KCNU1: variants seen among roughly 807,000 people sequenced by gnomAD.
KCNU1 encodes the protein potassium calcium-activated channel subfamily U member 1, also known as potassium channel subfamily U member 1.
KCNU1 carries 93 observed loss-of-function variants against 126.8 expected under a neutral mutation model. That is an observed-to-expected ratio of 0.73 (90% CI 0.62 to 0.87). The LOEUF (loss-of-function observed/expected upper bound fraction) is 0.87. Ranked by LOEUF, KCNU1 falls within the 40% of genes least tolerant of loss-of-function variation. KCNU1 has a pLI of 0.00. For synonymous variants in KCNU1, 523 were observed against 494.2 expected (o/e 1.06, Z -0.77); for missense variants, 1,330 against 1,367.1 (o/e 0.97, Z 0.43).
chr8:36,860,265 G>A (rs1168754039), intron 18 of KCNU1, among the ~76,000 whole-genome samples: 1 of 152,004 alleles, frequency 6.6e-6, no homozygotes, highest in Non-Finnish European at 1.5e-5. Flanking sequence ...TTTTAGTAGA[G>A]ACAGGTTTTC....
At chr8:36,919,665 G>C (rs894784629) in intron 23 of KCNU1, among the ~76,000 whole-genome samples, 3 of 152,154 alleles carry the variant, frequency 2.0e-5, no homozygotes, top group Admixed American at 2.0e-4. Context: ...GAAAATCCCA[G>C]GCAAGAGGAG....
At position 36,910,077 on chromosome 8, in the gene KCNU1, T is replaced by A. The variant is rs1807806846; in HGVS notation, c.2331+542T>A. On this transcript the variant is annotated intron_variant, in intron 21 of 26. Coordinates refer to ENST00000399881, the MANE Select transcript of KCNU1 (RefSeq NM_001031836.3). ...TATATTTTTCCTGAACTTGCATAGA[T>A]CTATGTCCCACTCTATGCCACCATT... 3.3e-5 allele frequency among the ~76,000 whole-genome samples: 5 copies of A among 152,150 alleles called. No individual in the cohort carries two copies. The South Asian group carries it at 1.0e-3, about 31-fold the overall frequency.
At chr8:36,857,764 G>A (rs1805581806) in intron 18 of KCNU1, among the ~76,000 whole-genome samples, 1 of 152,050 alleles carries the variant, frequency 6.6e-6, no homozygotes, top group South Asian at 2.1e-4. Flanking sequence ...TCCTGCCTCA[G>A]CCTCTTGAGT....
chr8:36,804,309 C>G (rs1014696876), intron 3 of KCNU1, among the ~76,000 whole-genome samples: 3 of 152,170 alleles, frequency 2.0e-5, no homozygotes, highest in African/African-American at 7.2e-5. Context: ...CTTTCCACTG[C>G]TAGGGGTCAG....
At chr8:36,821,132 C>T (rs1804108940) in intron 10 of KCNU1, among the ~76,000 whole-genome samples, 1 of 152,130 alleles carries the variant, frequency 6.6e-6, no homozygotes, top group African/African-American at 2.4e-5. Flanking sequence ...ACACAAGAAT[C>T]AGGCAGAGAA....
intron 12 of KCNU1, among the ~76,000 whole-genome samples, chr8:36,835,876 C>T (rs117446540): frequency 6.6e-6 from 1 of 151,992 alleles, no homozygotes; most frequent in Non-Finnish European, 1.5e-5. Context: ...GTAAATATGA[C>T]GTAGATCTTA....
intron 2 of KCNU1, among the ~76,000 whole-genome samples, chr8:36,792,319 T>G (rs911107908): frequency 1.2e-4 from 19 of 152,208 alleles, no homozygotes; most frequent in Non-Finnish European, 2.8e-4. Context: ...ATAAAAATTT[T>G]GAAATAATGT....
intron 15 of KCNU1, 86 bp from the exon 16 acceptor site, chr8:36,840,846 C>A: frequency 1.0e-6 from 1 of 960,812 alleles, no homozygotes. Context: ...TGTTGGTTTC[C>A]TCCTAGGCAC....
intron 19 of KCNU1, among the ~76,000 whole-genome samples, chr8:36,871,279 T>C (rs949723577): frequency 6.6e-6 from 1 of 152,110 alleles, no homozygotes; most frequent in Non-Finnish European, 1.5e-5. Flanking sequence ...AAAAGATGAC[T>C]AGATATTTTC....
chr8:36,824,257 A>C (rs1327861292), intron 10 of KCNU1, among the ~76,000 whole-genome samples: 2 of 152,196 alleles, frequency 1.3e-5, no homozygotes, highest in Non-Finnish European at 2.9e-5. Flanking sequence ...GTGCCTCCTT[A>C]TCTGCAGTTT....
intron 10 of KCNU1, among the ~76,000 whole-genome samples, chr8:36,821,072 GA>G (rs764537111): frequency 4.6e-5 from 7 of 152,114 alleles, no homozygotes; most frequent in Non-Finnish European, 8.8e-5. Flanking sequence ...AGAAGGGAAA[GA>G]AAGAGTTGAA....
intron 19 of KCNU1, among the ~76,000 whole-genome samples, chr8:36,889,568 T>A (rs1806872391): frequency 6.6e-6 from 1 of 152,036 alleles, no homozygotes; most frequent in South Asian, 2.1e-4. Context: ...TCTTCAGAAA[T>A]TTTCCAAACT....
intron 4 of KCNU1, among the ~76,000 whole-genome samples, chr8:36,806,036 G>A (rs1803489661): frequency 1.3e-5 from 2 of 151,974 alleles, no homozygotes; most frequent in Admixed American, 1.3e-4. Flanking sequence ...TAGAGATGGG[G>A]TTTCGCCATA....
chr8:36,841,434 G>A (rs1297494648), intron 16 of KCNU1, among the ~76,000 whole-genome samples: 1 of 152,202 alleles, frequency 6.6e-6, no homozygotes, highest in African/African-American at 2.4e-5. Context: ...GCTCATGCCT[G>A]TAATGCCAGC....
At chr8:36,868,673 C>G (rs1805995693) in intron 19 of KCNU1, among the ~76,000 whole-genome samples, 1 of 151,942 alleles carries the variant, frequency 6.6e-6, no homozygotes, top group African/African-American at 2.4e-5. Context: ...ATAGAATAAG[C>G]AATGTTATAA....
intron 2 of KCNU1, 66 bp downstream of exon 2, chr8:36,787,491 A>T (rs1254796370): frequency 1.0e-5 from 15 of 1,463,128 alleles, no homozygotes; most frequent in Non-Finnish European, 1.3e-5. Context: ...TAGTCAGCAC[A>T]AATCAATTGA....
At chr8:36,850,694 T>G (rs1472308764) in intron 18 of KCNU1, among the ~76,000 whole-genome samples, 1 of 152,208 alleles carries the variant, frequency 6.6e-6, no homozygotes, top group Non-Finnish European at 1.5e-5. Flanking sequence ...TAGGCTTAAG[T>G]GAGCCACCTG....
chr8:36,869,617 G>A (rs774133612), intron 19 of KCNU1, among the ~76,000 whole-genome samples: 2 of 152,042 alleles, frequency 1.3e-5, no homozygotes, highest in Admixed American at 6.6e-5. Context: ...GCAGACATGA[G>A]CTCCAGATCG....
At chr8:36,791,637 A>C (rs1164294299) in intron 2 of KCNU1, among the ~76,000 whole-genome samples, 1 of 152,196 alleles carries the variant, frequency 6.6e-6, no homozygotes, top group Non-Finnish European at 1.5e-5. Flanking sequence ...TAAGTGCACA[A>C]ATAAAGCATC....
Sources: allele counts gnomAD v4.1 joint callset (sites outside exome capture counted in the v4.1 genomes callset), GRCh38; gene constraint gnomAD v4.1.1; transcripts MANE v1.5; gene names NCBI Gene and HGNC (gene_info 2026-07-23, HGNC 2026-07-21).